The following MTREX variants were observed in gnomAD, a reference collection of about 807,000 sequenced individuals.
MTREX encodes the protein exosome RNA helicase MTR4.
In MTREX, 76 loss-of-function variants were observed where a neutral mutation model predicts 135.4. That is an observed-to-expected ratio of 0.56 (90% confidence interval 0.47 to 0.68). MTREX has a LOEUF of 0.68. Ranked by LOEUF, MTREX falls within the 30% of genes least tolerant of loss-of-function variation. The pLI is 0.00. For synonymous variants in MTREX, 404 were observed against 401.6 expected (o/e 1.01, Z -0.07); for missense variants, 920 against 1,262.1 (o/e 0.73, Z 4.11).
At chr5:55,419,571 C>G (rs556958201) in intron 25 of MTREX, among the ~76,000 whole-genome samples, 2 of 152,206 alleles carry the variant, frequency 1.3e-5, no homozygotes, top group East Asian at 3.9e-4. Flanking sequence ...ACAGTTTAAA[C>G]AAACTATTTG....
At chr5:55,339,213 T>C (rs2112054139) in intron 5 of MTREX, among the ~76,000 whole-genome samples, 1 of 152,362 alleles carries the variant, frequency 6.6e-6, no homozygotes, top group East Asian at 1.9e-4. Context: ...TTTGTTTTTA[T>C]ATCTTGCAAT....
At chr5:55,407,748 G>C (rs1259516353) in intron 22 of MTREX, among the ~76,000 whole-genome samples, 4 of 151,962 alleles carry the variant, frequency 2.6e-5, no homozygotes, top group Non-Finnish European at 5.9e-5. Flanking sequence ...CACAAATCTG[G>C]TATGTCGTTC....
intron 18 of MTREX, among the ~76,000 whole-genome samples, chr5:55,387,363 A>T (rs1750495816): frequency 6.6e-6 from 1 of 152,090 alleles, no homozygotes; most frequent in Admixed American, 6.5e-5. Context: ...TTTGCTGTAT[A>T]ACTTTCCTTT....
intron 19 of MTREX, among the ~76,000 whole-genome samples, chr5:55,392,837 T>C (rs767062180): frequency 6.6e-6 from 1 of 152,202 alleles, no homozygotes; most frequent in Admixed American, 6.5e-5. Flanking sequence ...CTGGTTAACC[T>C]GTTGTTTCTC....
At chr5:55,327,581 T>C in intron 3 of MTREX, 135 bp from the exon 4 acceptor site, 2 of 639,430 alleles carry the variant, frequency 3.1e-6, no homozygotes, top group Admixed American at 5.6e-5. Context: ...TGATTTACAG[T>C]GTCTGAGACA....
chr5:55,353,011 A>G (rs1447481023), intron 13 of MTREX, among the ~76,000 whole-genome samples, 157 bp from the exon 14 acceptor site: 4 of 152,214 alleles, frequency 2.6e-5, no homozygotes, highest in Non-Finnish European at 4.4e-5. Context: ...AATTTTATAT[A>G]TAAAATACGA....
chr5:55,406,402 T>G (rs1488578972), intron 22 of MTREX, among the ~76,000 whole-genome samples: 1 of 152,208 alleles, frequency 6.6e-6, no homozygotes, highest in Non-Finnish European at 1.5e-5. Context: ...TGGTTTGGGC[T>G]TCTTCACAGT....
chr5:55,368,495 A>G (rs1358972186), intron 16 of MTREX, among the ~76,000 whole-genome samples: 4 of 152,208 alleles, frequency 2.6e-5, no homozygotes, highest in East Asian at 1.9e-4. Context: ...ATGATTTTTA[A>G]TGACTGAATA....
chr5:55,358,949 T>A (rs1315949510), intron 15 of MTREX, among the ~76,000 whole-genome samples: 1 of 152,102 alleles, frequency 6.6e-6, no homozygotes, highest in Non-Finnish European at 1.5e-5. Flanking sequence ...GGCAGAAATG[T>A]TTACTTTGTC....
intron 26 of MTREX, chr5:55,424,008 TAGAA>T (rs1272156292): frequency 6.6e-6 from 1 of 152,192 alleles, no homozygotes; most frequent in Admixed American, 6.5e-5. Context: ...TTCCTTGGCC[TAGAA>T]AGAATTTCAC....
Position 55,344,636 on chromosome 5 carries a change from TC to T in MTREX, c.1005+18del. 1 of 1,461,802 alleles carries T rather than the reference TC, an allele frequency of 6.8e-7. No individual in the cohort carries two copies. The highest frequency in any genetic ancestry group is 1.2e-5 in the South Asian group (1 of 83,920). The allele number at this position is 1,461,802 out of a possible 1,614,324, so 90.6% of individuals were successfully genotyped here. On this transcript the variant is annotated intron_variant, in intron 9 of 26. Transcript: ENST00000230640. ...TGATGAAAATGTAAGAGAGTAATTG[TC>T]CTTTTTAAATCTATAATGTCATACT...
chr5:55,344,793 G>A (rs1455246815), intron 9 of MTREX, among the ~76,000 whole-genome samples, 173 bp downstream of exon 9: 1 of 152,020 alleles, frequency 6.6e-6, no homozygotes, highest in Non-Finnish European at 1.5e-5. Flanking sequence ...CAAACATTAT[G>A]TTTGAGACTT....
chr5:55,405,663 G>C (rs1018028769), intron 22 of MTREX, 75 bp downstream of exon 22: 20 of 1,328,052 alleles, frequency 1.5e-5, no homozygotes, highest in Non-Finnish European at 2.0e-5. Context: ...TATTTTTTTT[G>C]AGATGGAGTC....
intron 5 of MTREX, among the ~76,000 whole-genome samples, chr5:55,339,447 A>G (rs1749607937): frequency 6.6e-6 from 1 of 152,184 alleles, no homozygotes; most frequent in African/African-American, 2.4e-5. Flanking sequence ...CTACAATGTT[A>G]AGTTTAATGC....
At chr5:55,391,776 G>T (rs887916145) in intron 19 of MTREX, among the ~76,000 whole-genome samples, 1 of 152,122 alleles carries the variant, frequency 6.6e-6, no homozygotes, top group Non-Finnish European at 1.5e-5. Flanking sequence ...TATAACCTGT[G>T]GGCCCCTGAT....
At chr5:55,374,285 T>A (rs547786579) in intron 16 of MTREX, among the ~76,000 whole-genome samples, 36 of 144,622 alleles carry the variant, frequency 2.5e-4, no homozygotes, top group Admixed American at 6.1e-4. Flanking sequence ...TATATATATA[T>A]AAACAATTTT....
intron 21 of MTREX, among the ~76,000 whole-genome samples, chr5:55,403,207 A>AC (rs1750751743): frequency 6.6e-6 from 1 of 152,090 alleles, no homozygotes; most frequent in South Asian, 2.1e-4. Flanking sequence ...TCTCTTTAAA[A>AC]AAAAACAAAA....
intron 16 of MTREX, among the ~76,000 whole-genome samples, chr5:55,377,958 G>T (rs540016138): frequency 1.8e-4 from 27 of 150,688 alleles, no homozygotes; most frequent in Non-Finnish European, 3.5e-4. Context: ...AAGAGATCCT[G>T]AGTCATACCT....
intron 10 of MTREX, among the ~76,000 whole-genome samples, chr5:55,345,516 C>T (rs1205254762): frequency 2.0e-5 from 3 of 152,004 alleles, no homozygotes; most frequent in East Asian, 1.9e-4. Context: ...TCTCCCTTTT[C>T]CCCCAACCTT....
Sources: gnomAD v4.1 joint callset for allele counts (sites outside exome capture counted in the v4.1 genomes callset) on GRCh38, gnomAD v4.1.1 for gene constraint, MANE v1.5 for transcripts, NCBI Gene and HGNC (gene_info 2026-07-23, HGNC 2026-07-21) for gene names.